ANGPT1: variants seen among roughly 807,000 people sequenced by gnomAD.
The protein encoded by ANGPT1 is angiopoietin-1.
ANGPT1 carries 17 observed loss-of-function variants against 62.2 expected under a neutral mutation model. That is an observed-to-expected ratio of 0.27 (90% CI 0.19 to 0.41). The LOEUF (loss-of-function observed/expected upper bound fraction) is 0.41, where lower values mean the gene tolerates loss of function less well. Among genes scored for constraint, ANGPT1 ranks in the 10% least tolerant of loss-of-function variants. The pLI, the probability that ANGPT1 is intolerant of heterozygous loss-of-function variation, is 1.00. For synonymous variants in ANGPT1, 199 were observed against 198.9 expected, an observed-to-expected ratio of 1.00 and a Z score of 0.00; for missense variants, 478 against 594.9, an observed-to-expected ratio of 0.80 and a Z score of 2.04.
At chr8:107,461,412 T>A (rs1040295237) in intron 1 of ANGPT1, among the ~76,000 whole-genome samples, 2 of 152,188 alleles carry the variant, frequency 1.3e-5, no homozygotes, top group Non-Finnish European at 2.9e-5. Flanking sequence ...TTCTTACTAT[T>A]AATCAGCTTA....
At chr8:107,291,352 T>G (rs1483448991) in intron 6 of ANGPT1, among the ~76,000 whole-genome samples, 1 of 152,130 alleles carries the variant, frequency 6.6e-6, no homozygotes, top group African/African-American at 2.4e-5. Flanking sequence ...AAGGTGCAGG[T>G]TAGGTGATCT....
chr8:107,400,236 C>T (rs571493567), intron 1 of ANGPT1, among the ~76,000 whole-genome samples: 7 of 152,244 alleles, frequency 4.6e-5, no homozygotes, highest in East Asian at 1.9e-4. Flanking sequence ...CCCAAAAGAA[C>T]GAGTAAAACG....
chr8:107,253,504 CCTT>C (rs1813292527), intron 8 of ANGPT1, among the ~76,000 whole-genome samples: 1 of 152,142 alleles, frequency 6.6e-6, no homozygotes, highest in Non-Finnish European at 1.5e-5. Flanking sequence ...CTTTTCTCCT[CCTT>C]TTCTGTGACC....
At chr8:107,275,939 T>C (rs1006984334) in intron 7 of ANGPT1, among the ~76,000 whole-genome samples, 1 of 152,152 alleles carries the variant, frequency 6.6e-6, no homozygotes, top group African/African-American at 2.4e-5. Flanking sequence ...CCTAACAGCA[T>C]GCAGGCATTT....
At chr8:107,404,052 C>T (rs1817098140) in intron 1 of ANGPT1, among the ~76,000 whole-genome samples, 1 of 152,096 alleles carries the variant, frequency 6.6e-6, no homozygotes, top group South Asian at 2.1e-4. Context: ...TGGATTTCTC[C>T]TCCTGTGAGA....
chr8:107,322,633 G>A (rs887153974), intron 3 of ANGPT1: 1 of 206,254 alleles, frequency 4.8e-6, no homozygotes, highest in Non-Finnish European at 9.9e-6. Context: ...TTGACCATCT[G>A]CAAAATCAGA....
chr8:107,491,313 T>A (rs1812948135), intron 1 of ANGPT1, among the ~76,000 whole-genome samples: 1 of 152,136 alleles, frequency 6.6e-6, no homozygotes, highest in Non-Finnish European at 1.5e-5. Flanking sequence ...GTATACTGCA[T>A]CAACGAGATA....
chr8:107,310,267 G>T (rs73701082), intron 4 of ANGPT1, among the ~76,000 whole-genome samples: 4,325 of 152,196 alleles, frequency 0.028, 223 homozygotes, highest in African/African-American at 0.097. Flanking sequence ...CTTATGAGGA[G>T]TATTTATCAA....
At chr8:107,332,554 G>A (rs941170400) in intron 3 of ANGPT1, among the ~76,000 whole-genome samples, 4 of 152,308 alleles carry the variant, frequency 2.6e-5, no homozygotes, top group Middle Eastern at 3.4e-3. Context: ...AATCCTACAA[G>A]TGATGCATTT....
rs148116494 is a variant in ANGPT1, at chr8:107,427,388, G to A, written c.297+69874C>T. Among the ~76,000 whole-genome samples the A allele has an allele frequency of 3.9e-5, 6 of 152,210 alleles. No individual in the cohort carries two copies. In the East Asian group the frequency reaches 1.2e-3, roughly 29 times the overall value. On this transcript the variant is annotated intron_variant, in intron 1 of 8. Transcript: ENST00000517746. The stretch of plus-strand genomic sequence containing the variant: ...AAGACATGCATCAGAGCCAGCTCTT[G>A]TCTGTTTTGTGAAGCAGATGCTGTT...
intron 1 of ANGPT1, among the ~76,000 whole-genome samples, chr8:107,457,822 C>T (rs893174325): frequency 1.5e-5 from 2 of 137,166 alleles, no homozygotes; most frequent in African/African-American, 6.2e-5. Context: ...CACACATACC[C>T]ACTACACACA....
chr8:107,304,169 A>G (rs1814660739), intron 4 of ANGPT1, among the ~76,000 whole-genome samples: 1 of 150,182 alleles, frequency 6.7e-6, no homozygotes, highest in African/African-American at 2.4e-5. Flanking sequence ...AAGACAGAAA[A>G]TCTATTAATA....
At chr8:107,380,416 A>G (rs1160627670) in intron 1 of ANGPT1, among the ~76,000 whole-genome samples, 2 of 151,976 alleles carry the variant, frequency 1.3e-5, no homozygotes, top group Non-Finnish European at 1.5e-5. Flanking sequence ...CTGACTATAT[A>G]TACGTATATA....
At chr8:107,457,141 A>T (rs1432099570) in intron 1 of ANGPT1, among the ~76,000 whole-genome samples, 2 of 146,812 alleles carry the variant, frequency 1.4e-5, no homozygotes, top group African/African-American at 4.9e-5. Context: ...AATATTTATG[A>T]CATATTTTTC....
intron 7 of ANGPT1, among the ~76,000 whole-genome samples, chr8:107,266,820 T>C (rs11780631): frequency 0.2 from 30,237 of 151,972 alleles, 3,155 homozygotes; most frequent in East Asian, 0.31. Flanking sequence ...CTTGAATACA[T>C]AGTTTATACT....
intron 1 of ANGPT1, among the ~76,000 whole-genome samples, chr8:107,353,908 T>C (rs549715669): frequency 6.6e-6 from 1 of 152,218 alleles, no homozygotes; most frequent in East Asian, 1.9e-4. Flanking sequence ...TCTCAGATAC[T>C]GATACTAATA....
intron 4 of ANGPT1, among the ~76,000 whole-genome samples, chr8:107,304,083 A>C (rs1377280173): frequency 6.6e-6 from 1 of 151,938 alleles, no homozygotes; most frequent in Non-Finnish European, 1.5e-5. Context: ...ATACACAAAT[A>C]AAAGAACAAA....
chr8:107,446,031 C>T (rs1161804457), intron 1 of ANGPT1, among the ~76,000 whole-genome samples: 1 of 152,148 alleles, frequency 6.6e-6, no homozygotes, highest in Admixed American at 6.5e-5. Flanking sequence ...GATTCTTCTG[C>T]CTCAGCCTCC....
At chr8:107,430,394 T>C (rs552083104) in intron 1 of ANGPT1, among the ~76,000 whole-genome samples, 3 of 152,330 alleles carry the variant, frequency 2.0e-5, no homozygotes, top group African/African-American at 7.2e-5. Context: ...TCACTTTTGG[T>C]TCACATGGCT....
Sources: gnomAD v4.1 joint callset for allele counts (sites outside exome capture counted in the v4.1 genomes callset) on GRCh38, gnomAD v4.1.1 for gene constraint, MANE v1.5 for transcripts, NCBI Gene and HGNC (gene_info 2026-07-23, HGNC 2026-07-21) for gene names.